Variants in GRID2 observed in about 807,000 individuals in gnomAD.
GRID2 encodes glutamate ionotropic receptor delta type subunit 2.
GRID2 carries 33 observed loss-of-function variants against 114.8 expected under a neutral mutation model. That is an observed-to-expected ratio of 0.29 (90% CI 0.22 to 0.38). The LOEUF (loss-of-function observed/expected upper bound fraction) is 0.38, where lower values mean the gene tolerates loss of function less well. GRID2 is among the 10% of genes least tolerant of loss of function. GRID2 has a pLI of 1.00. For synonymous variants in GRID2, 505 were observed against 449.9 expected (o/e 1.12, Z -1.55); for missense variants, 1,184 against 1,257.7 (o/e 0.94, Z 0.89).
At chr4:92,425,265 G>A (rs1321483854) in intron 1 of GRID2, among the ~76,000 whole-genome samples, 1 of 151,886 alleles carries the variant, frequency 6.6e-6, no homozygotes, top group Non-Finnish European at 1.5e-5. Flanking sequence ...TTTAGATATG[G>A]CAATTAATCA....
At position 92,441,079 on chromosome 4, in the gene GRID2, A is replaced by G. The variant is rs527386744; in HGVS notation, c.88+136335A>G. ...GCAGACATGAGGGCTAGGCTAAAAC[A>G]GTAAGGTCAAGTTGTTTGGACAGAA... On this transcript the variant is annotated intron_variant, in intron 1 of 15. Coordinates refer to ENST00000282020, the MANE Select transcript of GRID2 (RefSeq NM_001510.4). 2.1e-4 allele frequency among the ~76,000 whole-genome samples: 32 copies of G among 152,214 alleles called. 1 individual carries two copies. In the South Asian group the frequency reaches 5.6e-3, roughly 27 times the overall value.
chr4:93,557,771 T>C (rs568579928), intron 13 of GRID2, among the ~76,000 whole-genome samples: 1 of 152,156 alleles, frequency 6.6e-6, no homozygotes, highest in East Asian at 1.9e-4. Context: ...CCACCCCAAA[T>C]CAACAGAACA....
chr4:93,237,863 A>G (rs996176255), intron 7 of GRID2, among the ~76,000 whole-genome samples: 1 of 151,912 alleles, frequency 6.6e-6, no homozygotes, highest in African/African-American at 2.4e-5. Context: ...AAATATATTT[A>G]AAGAAGGGGC....
At chr4:93,602,680 C>T (rs1374838934) in intron 13 of GRID2, among the ~76,000 whole-genome samples, 2 of 152,202 alleles carry the variant, frequency 1.3e-5, no homozygotes, top group Non-Finnish European at 2.9e-5. Context: ...TCTTCCTCTG[C>T]TCAGGCCTCC....
chr4:93,365,553 T>A (rs1478757632), intron 8 of GRID2, among the ~76,000 whole-genome samples: 1 of 152,166 alleles, frequency 6.6e-6, no homozygotes, highest in Admixed American at 6.6e-5. Flanking sequence ...ATTATTGTCA[T>A]CTCACCCTCT....
intron 14 of GRID2, among the ~76,000 whole-genome samples, chr4:93,634,318 A>G (rs1292777934): frequency 6.6e-6 from 1 of 152,152 alleles, no homozygotes; most frequent in Non-Finnish European, 1.5e-5. Flanking sequence ...ATTCACATAA[A>G]TAAAAACGGC....
chr4:92,886,458 G>C (rs1443075864), intron 2 of GRID2, among the ~76,000 whole-genome samples: 2 of 151,998 alleles, frequency 1.3e-5, no homozygotes, highest in Non-Finnish European at 2.9e-5. Context: ...CAATAGCCTT[G>C]AAGTGCCATA....
intron 2 of GRID2, among the ~76,000 whole-genome samples, chr4:92,664,882 T>A (rs1375556030): frequency 1.3e-5 from 2 of 151,132 alleles, no homozygotes; most frequent in African/African-American, 4.8e-5. Flanking sequence ...ATGGAATATC[T>A]TTTTTAAATC....
chr4:93,637,694 T>C (rs1039682897), intron 14 of GRID2, among the ~76,000 whole-genome samples: 17 of 152,154 alleles, frequency 1.1e-4, no homozygotes, highest in African/African-American at 3.9e-4. Context: ...GAAGTAAATA[T>C]ATTGAAAATT....
chr4:93,390,151 C>T (rs1244937149), intron 8 of GRID2, among the ~76,000 whole-genome samples: 1 of 152,174 alleles, frequency 6.6e-6, no homozygotes, highest in East Asian at 1.9e-4. Context: ...CCTGGAAAGG[C>T]TTTTAAACTA....
At chr4:93,776,550 C>T (rs1285477450), downstream of GRID2, among the ~76,000 whole-genome samples, 1 of 152,200 alleles carries the variant, frequency 6.6e-6, no homozygotes, top group Non-Finnish European at 1.5e-5. Context: ...ACACTCATCT[C>T]TTTCCTGGCT....
chr4:93,693,641 C>T (rs1726760086), intron 14 of GRID2, among the ~76,000 whole-genome samples: 1 of 152,064 alleles, frequency 6.6e-6, no homozygotes, highest in African/African-American at 2.4e-5. Context: ...TAAAATTTCA[C>T]AGTAAAAAAT....
chr4:92,722,638 A>G (rs1000559476), intron 2 of GRID2, among the ~76,000 whole-genome samples: 5 of 152,258 alleles, frequency 3.3e-5, no homozygotes, highest in Middle Eastern at 6.8e-3. Flanking sequence ...ATGACTGTTT[A>G]CATATTAAAT....
Position 92,872,137 on chromosome 4 carries a change from G to T in GRID2, c.245-212858G>T, listed in dbSNP as rs377601759. On this transcript the variant is annotated intron_variant, in intron 2 of 15. Transcript: ENST00000282020. ...TGTTTATTAACTTATTTTTAGTAGAGAAATTACAGCTTGTTTCATATCATA... is the reference window on the plus strand; with the variant it reads ...TGTTTATTAACTTATTTTTAGTAGATAAATTACAGCTTGTTTCATATCATA... Among the ~76,000 whole-genome samples the T allele has an allele frequency of 7.2e-5, 11 of 152,138 alleles. No individual in the cohort carries two copies. The East Asian group carries it at 1.9e-3, about 27-fold the overall frequency.
intron 14 of GRID2, among the ~76,000 whole-genome samples, chr4:93,657,642 A>C (rs1221496210): frequency 6.6e-6 from 1 of 152,146 alleles, no homozygotes; most frequent in Non-Finnish European, 1.5e-5. Context: ...TAGGAGGAAA[A>C]AAAAAACAAA....
At chr4:92,709,589 A>AAATATATATATAT (rs779775767) in intron 2 of GRID2, among the ~76,000 whole-genome samples, 22 of 114,622 alleles carry the variant, frequency 1.9e-4, no homozygotes, top group African/African-American at 2.4e-4. Flanking sequence ...AAAAAAAAAA[A>AAATATATATATAT]ATATATATAT....
At chr4:93,719,940 G>A (rs925759371) in intron 14 of GRID2, among the ~76,000 whole-genome samples, 1 of 152,128 alleles carries the variant, frequency 6.6e-6, no homozygotes, top group African/African-American at 2.4e-5. Context: ...TTCTCTCCCT[G>A]GTCTCAAGCT....
At chr4:93,393,859 G>A (rs1174977836) in intron 8 of GRID2, among the ~76,000 whole-genome samples, 1 of 151,958 alleles carries the variant, frequency 6.6e-6, no homozygotes, top group African/African-American at 2.4e-5. Flanking sequence ...ACGAATTTAA[G>A]GGGGACAGAA....
At chr4:92,584,982 T>C (rs1475328901) in intron 1 of GRID2, among the ~76,000 whole-genome samples, 2 of 152,076 alleles carry the variant, frequency 1.3e-5, no homozygotes, top group South Asian at 4.1e-4. Context: ...AAAAACAACA[T>C]GATTCCTTCT....
Sources: gnomAD v4.1 joint callset for allele counts (sites outside exome capture counted in the v4.1 genomes callset) on GRCh38, gnomAD v4.1.1 for gene constraint, MANE v1.5 for transcripts, NCBI Gene and HGNC (gene_info 2026-07-23, HGNC 2026-07-21) for gene names.